The following ATP6AP2 variants were observed in gnomAD, a reference collection of about 807,000 sequenced individuals.
ATP6AP2 encodes the protein ATPase H+ transporting accessory protein 2.
In ATP6AP2, 1 loss-of-function variant was observed where a neutral mutation model predicts 23.4. The ratio of observed to expected loss-of-function variants is 0.04; its 90% CI spans 0.02 to 0.20. The LOEUF is 0.20. Among genes scored for constraint, ATP6AP2 ranks in the 10% least tolerant of loss-of-function variants. The pLI is 1.00. For missense variants in ATP6AP2, 174 were observed against 271.3 expected, an observed-to-expected ratio of 0.64 and a Z score of 2.52; for synonymous variants, 90 against 97.1, an observed-to-expected ratio of 0.93 and a Z score of 0.43.
intron 2 of ATP6AP2, chrX:40,589,927 C>T (rs1231012572): frequency 2.7e-5 from 3 of 112,559 alleles, no homozygotes; most frequent in African/African-American, 9.7e-5. Context: ...AAAACAGAAA[C>T]TCTACCTGGG....
intron 6 of ATP6AP2, 52 bp downstream of exon 6, chrX:40,598,786 A>G (rs1422609352): frequency 2.3e-5 from 25 of 1,097,211 alleles, no homozygotes; most frequent in Non-Finnish European, 3.0e-5. Flanking sequence ...TTTCTAGAGA[A>G]TCCTTGAATA....
At chrX:40,594,287 A>G (rs760285702) in intron 3 of ATP6AP2, among the ~76,000 whole-genome samples, 11 of 111,322 alleles carry the variant, frequency 9.9e-5, no homozygotes, top group African/African-American at 2.9e-4. Context: ...AGCATATGGA[A>G]CACCCAGTAG....
In ATP6AP2 at chrX:40,596,691, T is replaced by G. The variant is rs760761753; in HGVS notation, c.301-558T>G. ...CATTGGTTATTTCAATCTAATAATATCAACATGTCCTAAGATAAAGGCTTC... is the reference window on the plus strand; with the variant it reads ...CATTGGTTATTTCAATCTAATAATAGCAACATGTCCTAAGATAAAGGCTTC... On this transcript the variant is annotated intron_variant, in intron 3 of 8. Coordinates refer to ENST00000636580, the MANE Select transcript of ATP6AP2 (RefSeq NM_005765.3). 1.2e-4 allele frequency among the ~76,000 whole-genome samples: 13 copies of G among 111,952 alleles called. No homozygotes were observed. In the South Asian group the frequency reaches 4.8e-3, roughly 41 times the overall value.
intron 1 of ATP6AP2, 121 bp downstream of exon 1, chrX:40,581,223 G>A (rs771914631): frequency 1.2e-4 from 92 of 791,228 alleles, no homozygotes; most frequent in Non-Finnish European, 1.5e-4. Context: ...TCCGTCAGCG[G>A]CGGCCTCGCC....
Position 40,580,985 on chromosome X carries a change from A to ACCT in ATP6AP2, c.-76_-74dup. ...GAGCCTGGACGAGTCCGAGCGCGTC[A>ACCT]CCTCCTCACGCTGCGGCTGTCGCCC... On this transcript the variant is annotated 5_prime_UTR_variant, in exon 1 of 9. Coordinates refer to ENST00000636580, the MANE Select transcript of ATP6AP2 (RefSeq NM_005765.3). 3 of 1,117,007 alleles carry ACCT rather than the reference A, an allele frequency of 2.7e-6. No homozygotes were observed. The highest frequency in any genetic ancestry group is 2.4e-6 in the Non-Finnish European group (2 of 831,239). The allele number at this position is 1,117,007 out of a possible 1,213,427, so 92.1% of individuals were successfully genotyped here. A position where few individuals can be genotyped will look rare whatever the true frequency, so the allele number is the denominator to read the frequency against.
chrX:40,605,456 A>G, intron 8 of ATP6AP2, 105 bp from the exon 9 acceptor site: 1 of 767,805 alleles, frequency 1.3e-6, no homozygotes, highest in Non-Finnish European at 1.9e-6. Flanking sequence ...TATGCCACTT[A>G]TGAAGAAATG....
In ATP6AP2 at chrX:40,597,682, A is replaced by G. The variant is rs1417064809; in HGVS notation, c.534+18A>G. ...ACAATGAAGTAAGTGCAGTTATTCA[A>G]TGAATACATGAATATCATTAATTTC... is the stretch of plus-strand genomic sequence containing the variant. On this transcript the variant is annotated intron_variant, in intron 5 of 8. Transcript: ENST00000636580. 8.6e-7 allele frequency: 1 copy of G among 1,166,328 alleles called. No individual in the cohort carries two copies. Among genetic ancestry groups the G allele is most frequent in the South Asian group, 1.8e-5 (1 of 55,886 alleles).
At chrX:40,591,449 ACTTCT>A in intron 3 of ATP6AP2, 84 bp downstream of exon 3, 3 of 1,029,437 alleles carry the variant, frequency 2.9e-6, no homozygotes, top group Non-Finnish European at 2.7e-6. Flanking sequence ...TTCTAAACAT[ACTTCT>A]CTTATCTGTT....
chrX:40,591,065 C>T, intron 2 of ATP6AP2, 169 bp from the exon 3 acceptor site: 1 of 551,504 alleles, frequency 1.8e-6, no homozygotes, highest in Non-Finnish European at 2.9e-6. Context: ...AATCAGCATT[C>T]TTGATTAGGG....
At chrX:40,582,106 G>C (rs1321615301) in intron 1 of ATP6AP2, among the ~76,000 whole-genome samples, 1 of 111,905 alleles carries the variant, frequency 8.9e-6, no homozygotes, top group African/African-American at 3.2e-5. Context: ...TGGAGGAATG[G>C]GTGCTCTGAT....
Position 40,599,756 on chromosome X carries a change from G to T in ATP6AP2, c.738+15G>T, listed in dbSNP as rs777239225. Reference sequence around the variant, plus strand: ...CTCTGCAAAAGGTAAATATCAATGCGACATGAGAGGTTGGAGTATGACCAT... The same window carrying T: ...CTCTGCAAAAGGTAAATATCAATGCTACATGAGAGGTTGGAGTATGACCAT... On this transcript the variant is annotated intron_variant, in intron 7 of 8. Coordinates refer to ENST00000636580, the MANE Select transcript of ATP6AP2 (RefSeq NM_005765.3). 4.1e-6 allele frequency: 5 copies of T among 1,208,791 alleles called. No homozygotes were observed. In the South Asian group the frequency reaches 7.0e-5, roughly 17 times the overall value.
At chrX:40,585,896 A>C (rs1457873623) in intron 1 of ATP6AP2, among the ~76,000 whole-genome samples, 1 of 111,708 alleles carries the variant, frequency 9.0e-6, no homozygotes, top group Non-Finnish European at 1.9e-5. Flanking sequence ...TTTGTGGGTT[A>C]AGTAGTAAAC....
At position 40,580,970 on chromosome X, in the gene ATP6AP2, G is replaced by T. The variant is rs991432643; in HGVS notation, c.-96G>T. On this transcript the variant is annotated 5_prime_UTR_variant, in exon 1 of 9. Coordinates refer to ENST00000636580, the MANE Select transcript of ATP6AP2 (RefSeq NM_005765.3). ...AGGGACGGGACCCGGGAGCCTGGAC[G>T]AGTCCGAGCGCGTCACCTCCTCACG... 6 of 1,048,322 alleles carry T rather than the reference G, an allele frequency of 5.7e-6. No homozygotes were observed. The highest frequency in any genetic ancestry group is 6.5e-6 in the Non-Finnish European group (5 of 770,223). 86.4% of individuals were successfully genotyped at this position (1,048,322 alleles called of 1,213,427 possible). A position where few individuals can be genotyped will look rare whatever the true frequency, so the allele number is the denominator to read the frequency against.
At chrX:40,581,128 G>A in intron 1 of ATP6AP2, 26 bp downstream of exon 1, 2 of 1,148,804 alleles carry the variant, frequency 1.7e-6, no homozygotes, top group Non-Finnish European at 2.3e-6. Flanking sequence ...CCGGCAGGAC[G>A]TGCCTGGGGA....
chrX:40,597,147 G>T, intron 3 of ATP6AP2, 102 bp from the exon 4 acceptor site: 1 of 654,384 alleles, frequency 1.5e-6, no homozygotes, highest in Non-Finnish European at 2.5e-6. Flanking sequence ...TCCATAGAAA[G>T]TGCTGGAAAA....
At chrX:40,593,332 C>G (rs1291457097) in intron 3 of ATP6AP2, among the ~76,000 whole-genome samples, 1 of 111,244 alleles carries the variant, frequency 9.0e-6, no homozygotes, top group African/African-American at 3.3e-5. Context: ...TCATTCTACT[C>G]TACTTCTATG....
rs1927046278 is a variant in ATP6AP2, at chrX:40,605,366, G to A, written c.859-195G>A. 6 of 444,606 alleles carry A rather than the reference G, an allele frequency of 1.3e-5. No homozygotes were observed. The East Asian group carries it at 2.2e-4, about 17-fold the overall frequency. 36.6% of individuals were successfully genotyped at this position (444,606 alleles called of 1,213,427 possible). A position where few individuals can be genotyped will look rare whatever the true frequency, so the allele number is the denominator to read the frequency against. On this transcript the variant is annotated intron_variant, in intron 8 of 8. Transcript: ENST00000636580. ...TCCAGTTTTCCCAAGCATTTGGACT[G>A]GTTTATACTTCCACCATCAGTGCAA...
chrX:40,580,974 C>G lies in ATP6AP2; in HGVS notation c.-92C>G. The G allele has an allele frequency of 9.2e-7, 1 of 1,083,524 alleles. No homozygotes were observed. The highest frequency in any genetic ancestry group is 1.2e-6 in the Non-Finnish European group (1 of 801,255). 89.3% of individuals were successfully genotyped at this position (1,083,524 alleles called of 1,213,427 possible). A position where few individuals can be genotyped will look rare whatever the true frequency, so the allele number is the denominator to read the frequency against. ...ACGGGACCCGGGAGCCTGGACGAGT[C>G]CGAGCGCGTCACCTCCTCACGCTGC... On this transcript the variant is annotated 5_prime_UTR_variant, in exon 1 of 9. Transcript: ENST00000636580.
chrX:40,596,371 C>T (rs941782890), intron 3 of ATP6AP2, among the ~76,000 whole-genome samples: 13 of 111,568 alleles, frequency 1.2e-4, no homozygotes, highest in Non-Finnish European at 2.4e-4. Context: ...TGTTTTAATA[C>T]AGTAATACTG....
Sources: gnomAD v4.1 joint callset for allele counts (sites outside exome capture counted in the v4.1 genomes callset) on GRCh38, gnomAD v4.1.1 for gene constraint, MANE v1.5 for transcripts, NCBI Gene and HGNC (gene_info 2026-07-23, HGNC 2026-07-21) for gene names.